The following PDE4C variants were observed in gnomAD, a reference collection of about 807,000 sequenced individuals.
PDE4C encodes the protein 3',5'-cyclic-AMP phosphodiesterase 4C.
PDE4C carries 50 observed loss-of-function variants against 63.9 expected under a neutral mutation model. That is an observed-to-expected ratio of 0.78 (90% CI 0.62 to 0.99). The LOEUF (loss-of-function observed/expected upper bound fraction) is 0.99. PDE4C is among the 50% of genes least tolerant of loss of function. The pLI is 0.00. For synonymous variants in PDE4C, 377 were observed against 385.1 expected, an observed-to-expected ratio of 0.98 and a Z score of 0.25; for missense variants, 777 against 899.1, an observed-to-expected ratio of 0.86 and a Z score of 1.74.
intron 12 of PDE4C, 98 bp downstream of exon 12, chr19:18,216,643 C>T: frequency 4.0e-6 from 5 of 1,248,282 alleles, no homozygotes; most frequent in South Asian, 3.0e-5. Context: ...GGATGAACCG[C>T]CGGCCATGCC....
the PDE4C span, among the ~76,000 whole-genome samples, chr19:18,253,395 A>T: frequency 6.6e-6 from 1 of 152,086 alleles, no homozygotes; most frequent in African/African-American, 2.4e-5. Flanking sequence ...CAAAAAAATA[A>T]AACAAAAATT....
rs867333126 is a variant in PDE4C at position 18,220,898 on chromosome 19, A to G, written c.475T>C (p.Ser159Pro). Residue 159 changes from serine (S) to proline (P), a missense_variant, in exon 5 of 15, where the codon TCC (serine) becomes CCC (proline). Around this residue, in one of 3 missense-constraint regions of PDE4C, gnomAD observed 249 missense variants for 247.8 expected, o/e 1.00. Transcript: ENST00000262805. This position sits in a 1 kb window ranked among gnomAD's most constrained non-coding sequence, Gnocchi z 5.1. ...CCTGCAGGAGGGAGCTGATTGCTGG[A>G]TGAAGGGTTTCCGACGGGTCCCTGC... is the stretch of plus-strand genomic sequence containing the variant. The G allele has an allele frequency of 6.8e-6, 11 of 1,608,504 alleles. No individual in the cohort carries two copies. The African/African-American group carries it at 9.3e-5, about 14-fold the overall frequency.
chr19:18,227,319 A>T (rs1968760024), upstream of PDE4C, among the ~76,000 whole-genome samples: 1 of 151,850 alleles, frequency 6.6e-6, no homozygotes, highest in Admixed American at 6.6e-5. Flanking sequence ...CCCCTCTCCC[A>T]GCACCCCTCC....
upstream of PDE4C, among the ~76,000 whole-genome samples, chr19:18,228,530 G>A (rs909072595): frequency 1.3e-5 from 2 of 152,196 alleles, no homozygotes; most frequent in Non-Finnish European, 2.9e-5. Context: ...CCCAGCCTGG[G>A]TCCTCCCGCA....
chr19:18,249,196 C>T (rs1969193379), upstream of PDE4C, among the ~76,000 whole-genome samples: 1 of 151,962 alleles, frequency 6.6e-6, no homozygotes, highest in Non-Finnish European at 1.5e-5. Context: ...CTCAAACTAC[C>T]AAGCTCAAGC....
intron 1 of PDE4C, among the ~76,000 whole-genome samples, chr19:18,245,258 G>A (rs1211805579): frequency 6.6e-6 from 1 of 151,986 alleles, no homozygotes; most frequent in Non-Finnish European, 1.5e-5. Context: ...CCACCTCCTG[G>A]GTTCAAGCAA....
In PDE4C at chr19:18,220,983, A is replaced by G; in HGVS notation, c.450-60T>C. The G allele has an allele frequency of 6.4e-7, 1 of 1,554,688 alleles. No individual in the cohort carries two copies. Among genetic ancestry groups the G allele is most frequent in the East Asian group, 2.3e-5 (1 of 43,278 alleles). On this transcript the variant is annotated intron_variant, in intron 4 of 14. Transcript: ENST00000262805. This position sits in a 1 kb window ranked among gnomAD's most constrained non-coding sequence, Gnocchi z 5.1. The stretch of plus-strand genomic sequence containing the variant: ...CCCATCTCGCCCCGCCCCCAAGTCC[A>G]CCAGGCCCCGCCCCTCAAACCCACC...
At chr19:18,247,497 T>G (rs1245556413) in intron 1 of PDE4C, among the ~76,000 whole-genome samples, 1 of 152,218 alleles carries the variant, frequency 6.6e-6, no homozygotes, top group African/African-American at 2.4e-5. Flanking sequence ...GGTTTCTCCA[T>G]GTTGGCCAGG....
At chr19:18,215,486 T>TAAAAAAAAAA (rs10712414) in intron 12 of PDE4C, among the ~76,000 whole-genome samples, 1 of 146,188 alleles carries the variant, frequency 6.8e-6, no homozygotes. Context: ...TGCCCCTACC[T>TAAAAAAAAAA]AAAAAAAAAA....
At chr19:18,232,698 G>GCA (rs77152816) in intron 1 of PDE4C, among the ~76,000 whole-genome samples, 16 of 150,800 alleles carry the variant, frequency 1.1e-4, no homozygotes, top group South Asian at 6.3e-4. Flanking sequence ...GCGCGCGCGC[G>GCA]CACACACACA....
At chr19:18,228,184 C>T (rs1007083355), upstream of PDE4C, among the ~76,000 whole-genome samples, 13 of 151,998 alleles carry the variant, frequency 8.6e-5, no homozygotes, top group Admixed American at 2.6e-4. Flanking sequence ...ACCACCTCCC[C>T]GCCACTGTGA....
At chr19:18,247,495 C>T (rs1443479047) in intron 1 of PDE4C, among the ~76,000 whole-genome samples, 1 of 152,162 alleles carries the variant, frequency 6.6e-6, no homozygotes, top group Non-Finnish European at 1.5e-5. Context: ...GGGGTTTCTC[C>T]ATGTTGGCCA....
At chr19:18,212,067 C>A in intron 13 of PDE4C, 126 bp from the exon 14 acceptor site, 1 of 905,024 alleles carries the variant, frequency 1.1e-6, no homozygotes, top group Non-Finnish European at 1.7e-6. Context: ...AGGCCTGAGA[C>A]CTGAAGAAAT....
At chr19:18,232,057 C>T (rs952642364) in intron 1 of PDE4C, among the ~76,000 whole-genome samples, 8 of 152,010 alleles carry the variant, frequency 5.3e-5, no homozygotes, top group Admixed American at 5.2e-4. Flanking sequence ...TGCCCTGGCC[C>T]TTATATATCT....
At chr19:18,214,474 G>A (rs1197295045) in intron 12 of PDE4C, among the ~76,000 whole-genome samples, 1 of 151,978 alleles carries the variant, frequency 6.6e-6, no homozygotes, top group Non-Finnish European at 1.5e-5. Context: ...TCAAGAGAAA[G>A]GGAGGTGAGA....
chr19:18,214,765 A>G (rs1968116451), intron 12 of PDE4C, among the ~76,000 whole-genome samples: 1 of 152,056 alleles, frequency 6.6e-6, no homozygotes, highest in Non-Finnish European at 1.5e-5. Flanking sequence ...CATGGCCAAC[A>G]TGGTGAAACC....
At position 18,220,679 on chromosome 19, in the gene PDE4C, C is replaced by T; in HGVS notation, c.500-164G>A. On this transcript the variant is annotated intron_variant, in intron 5 of 14. Coordinates refer to ENST00000262805, the Ensembl canonical transcript of PDE4C. This position sits in a 1 kb window ranked among gnomAD's most constrained non-coding sequence, Gnocchi z 5.1. ...TCTGTTCCCCGAGTGCCTGTGTGACCATGAGATCTCTGGGCCTCAGCCTCC... is the reference window on the plus strand; with the variant it reads ...TCTGTTCCCCGAGTGCCTGTGTGACTATGAGATCTCTGGGCCTCAGCCTCC... 1.3e-6 allele frequency: 1 copy of T among 782,516 alleles called. No homozygotes were observed. The highest frequency in any genetic ancestry group is 2.7e-5 in the East Asian group (1 of 37,416). 48.5% of individuals were successfully genotyped at this position (782,516 alleles called of 1,614,324 possible). A position where few individuals can be genotyped will look rare whatever the true frequency, so the allele number is the denominator to read the frequency against.
intron 1 of PDE4C, chr19:18,248,077 C>A: frequency 2.3e-6 from 1 of 430,930 alleles, no homozygotes; most frequent in Non-Finnish European, 4.7e-6. Context: ...CTGATGGTTT[C>A]AGGGGGATTA....
chr19:18,225,120 C>T lies in PDE4C; in HGVS notation c.146+1150G>A, dbSNP rs144049444. 7.8e-3 allele frequency among the ~76,000 whole-genome samples: 1,194 copies of T among 152,242 alleles called. 37 individuals are homozygous for T. Among genetic ancestry groups the T allele is most frequent in the Admixed American group, 0.055 (841 of 15,294 alleles). Reference sequence around the variant, plus strand: ...TTTCTGCTCTAAACTTAGCCGGGAGCGGCGGGGTCAGGCTGTGGTTCCATG... The same window carrying T: ...TTTCTGCTCTAAACTTAGCCGGGAGTGGCGGGGTCAGGCTGTGGTTCCATG... On this transcript the variant is annotated intron_variant, in intron 1 of 14. Transcript: ENST00000262805.
Sources: gnomAD v4.1 joint callset for allele counts (sites outside exome capture counted in the v4.1 genomes callset) on GRCh38, gnomAD v4.1.1 for gene constraint, gnomAD v4.1.1 regional missense constraint, Gnocchi (gnomAD v3.1) non-coding constraint, MANE v1.5 for transcripts, NCBI Gene and HGNC (gene_info 2026-07-23, HGNC 2026-07-21) for gene names.